TCF7: variants seen among roughly 807,000 people sequenced by gnomAD.
TCF7 encodes the protein T-cell-factor-7.
Under a neutral mutation model 46.8 loss-of-function variants are expected in TCF7, and 19 were observed. The ratio of observed to expected loss-of-function variants is 0.41; its 90% CI spans 0.28 to 0.60. The LOEUF (loss-of-function observed/expected upper bound fraction) is 0.60, where lower values mean the gene tolerates loss of function less well. Ranked by LOEUF, TCF7 falls within the 20% of genes least tolerant of loss-of-function variation. The pLI is 0.35. For missense variants in TCF7, 547 were observed against 504.6 expected (o/e 1.08, Z -0.81); for synonymous variants, 245 against 213.4 (o/e 1.15, Z -1.29).
At chr5:134,141,965 C>G in intron 5 of TCF7, 1 of 512,066 alleles carries the variant, frequency 2.0e-6, no homozygotes, top group Non-Finnish European at 3.3e-6. Flanking sequence ...TAGTAACCAT[C>G]TGAATGGCAA....
At position 134,142,272 on chromosome 5, in the gene TCF7, G is replaced by A; in HGVS notation, c.723G>A (p.Gly241=). The stretch of plus-strand genomic sequence containing the variant: ...ACCCGGCCATTGTGCCCCCCTCAGG[G>A]AAGCAGGAGCTGCAGCCCTTCGACC... ...IPHPAIVPPS[G]KQELQPFDRN... The change falls in exon 6 of 10, where the codon GGG becomes GGA. Residue 241 remains glycine (G), a synonymous_variant. Coordinates refer to ENST00000342854, the MANE Select transcript of TCF7 (RefSeq NM_003202.5). The A allele has an allele frequency of 6.2e-7, 1 of 1,600,794 alleles. No individual in the cohort carries two copies. Among genetic ancestry groups the A allele is most frequent in the Non-Finnish European group, 8.5e-7 (1 of 1,171,278 alleles).
Position 134,115,302 on chromosome 5 carries a change from C to T in TCF7, c.250-19C>T, listed in dbSNP as rs965480008. 12 of 1,559,986 alleles carry T rather than the reference C, an allele frequency of 7.7e-6. No homozygotes were observed. The Admixed American group carries it at 1.1e-4, about 14-fold the overall frequency. On this transcript the variant is annotated intron_variant, in intron 1 of 9. Coordinates refer to ENST00000342854, the MANE Select transcript of TCF7 (RefSeq NM_003202.5). Reference sequence around the variant, plus strand: ...CCGCGGTCCCACCGCCCCTCACTCCCCTCCGGTTCTCCCTCCAGGCTCTCG... The same window carrying T: ...CCGCGGTCCCACCGCCCCTCACTCCTCTCCGGTTCTCCCTCCAGGCTCTCG...
chr5:134,124,086 C>A (rs946844435), intron 3 of TCF7, among the ~76,000 whole-genome samples: 1 of 152,106 alleles, frequency 6.6e-6, no homozygotes. Context: ...TCGCTCAGGT[C>A]CCAAGGCCCA....
rs960788299 is a variant in TCF7, at chr5:134,144,926, C to T, written c.1075+1286C>T. 18 of 1,464,964 alleles carry T rather than the reference C, an allele frequency of 1.2e-5. No homozygotes were observed. The African/African-American group carries it at 2.2e-4, about 18-fold the overall frequency. The allele number at this position is 1,464,964 out of a possible 1,614,324, so 90.7% of individuals were successfully genotyped here. ...GCTTTAAGCTGCTTCCCTGACTCTG[C>T]ACATGTTCCACTGGGCCTGCAGCCC... On this transcript the variant is annotated intron_variant, in intron 9 of 9. Transcript: ENST00000342854.
At chr5:134,144,909 C>A (rs1760460169) in intron 9 of TCF7, 3 of 1,559,472 alleles carry the variant, frequency 1.9e-6, no homozygotes, top group Non-Finnish European at 2.7e-6. Context: ...TTGCTTTAAG[C>A]TGCTTCCCTG....
upstream of TCF7, among the ~76,000 whole-genome samples, chr5:134,114,327 G>A (rs1489352503): frequency 6.6e-6 from 1 of 152,086 alleles, no homozygotes; most frequent in Non-Finnish European, 1.5e-5. Context: ...GCCTGGGCAC[G>A]ATACAGTTCA....
chr5:134,141,341 G>GAA (rs1163133107), intron 5 of TCF7: 1 of 152,842 alleles, frequency 6.5e-6, no homozygotes, highest in Non-Finnish European at 1.5e-5. Flanking sequence ...AGAATAGCAA[G>GAA]AAAGTGAAGT....
rs762664564 is a variant in TCF7 at position 134,146,470 on chromosome 5, C to T, written c.*167C>T. On this transcript the variant is annotated 3_prime_UTR_variant, in exon 10 of 10. Coordinates refer to ENST00000342854, the MANE Select transcript of TCF7 (RefSeq NM_003202.5). The stretch of plus-strand genomic sequence containing the variant: ...GGCCCCCACAGGCCCCCCGCAGCAC[C>T]CTGCAGAGCACACAGGTACAGCAAC... The T allele has an allele frequency of 6.7e-5, 53 of 795,898 alleles. 1 individual carries two copies. The highest frequency in any genetic ancestry group is 4.4e-4 in the Middle Eastern group (2 of 4,560). 49.3% of individuals were successfully genotyped at this position (795,898 alleles called of 1,614,324 possible).
chr5:134,129,712 G>A lies in TCF7; in HGVS notation c.442-8347G>A, dbSNP rs145968910. On this transcript the variant is annotated intron_variant, in intron 3 of 9. Transcript: ENST00000342854. ...GGCTAAGTGGGGCTCAGTGAGTTCCGAGGGTGCCTCGGGCCGGGTTGGGCC... is the reference window on the plus strand; with the variant it reads ...GGCTAAGTGGGGCTCAGTGAGTTCCAAGGGTGCCTCGGGCCGGGTTGGGCC... Among the ~76,000 whole-genome samples, 351 of 152,384 alleles carry A rather than the reference G, an allele frequency of 2.3e-3. 1 individual carries two copies. The highest frequency in any genetic ancestry group is 3.5e-3 in the Non-Finnish European group (236 of 68,034).
At chr5:134,115,840 A>G in intron 2 of TCF7, 69 bp from the exon 3 acceptor site, 2 of 1,605,264 alleles carry the variant, frequency 1.2e-6, no homozygotes, top group Non-Finnish European at 1.7e-6. Flanking sequence ...TTTTCTCTCA[A>G]GAGCAGACAG....
In TCF7 at chr5:134,147,572, C is replaced by G. The variant is rs1386610312; in HGVS notation, c.*1269C>G. On this transcript the variant is annotated 3_prime_UTR_variant, in exon 10 of 10. Transcript: ENST00000342854. ...CCAGAAAACCTCCAGTAGTGGACAACAGGTTTTCACCATAGCCTACGTTAA... is the reference window on the plus strand; with the variant it reads ...CCAGAAAACCTCCAGTAGTGGACAAGAGGTTTTCACCATAGCCTACGTTAA... 6.6e-6 allele frequency: 1 copy of G among 152,630 alleles called. No individual in the cohort carries two copies. Among genetic ancestry groups the G allele is most frequent in the Non-Finnish European group, 1.5e-5 (1 of 68,044 alleles). 9.5% of individuals were successfully genotyped at this position (152,630 alleles called of 1,614,324 possible). A position where few individuals can be genotyped will look rare whatever the true frequency, so the allele number is the denominator to read the frequency against.
chr5:134,141,112 C>A, intron 5 of TCF7: 1 of 277,812 alleles, frequency 3.6e-6, no homozygotes, highest in Non-Finnish European at 7.1e-6. Flanking sequence ...ACCACAGAGG[C>A]CAGGACAGTA....
Position 134,114,932 on chromosome 5 carries a change from G to GCGGCGCGGGCGGCGGCGA in TCF7, c.29_46dup (p.Gly10_Asp15dup), listed in dbSNP as rs1755592484. ...ATGCCGCAGCTGGACTCCGGCGGGG[G>GCGGCGCGGGCGGCGGCGA]CGGCGCGGGCGGCGGCGACGACCTC... On this transcript the variant is annotated inframe_insertion, in exon 1 of 10. Transcript: ENST00000342854. The GCGGCGCGGGCGGCGGCGA allele has an allele frequency of 9.2e-7, 1 of 1,084,616 alleles. No homozygotes were observed. Among genetic ancestry groups the GCGGCGCGGGCGGCGGCGA allele is most frequent in the East Asian group, 7.4e-5 (1 of 13,426 alleles). 67.2% of individuals were successfully genotyped at this position (1,084,616 alleles called of 1,614,324 possible).
chr5:134,112,220 A>G (rs1755338677), upstream of TCF7, among the ~76,000 whole-genome samples: 1 of 152,224 alleles, frequency 6.6e-6, no homozygotes, highest in African/African-American at 2.4e-5. Context: ...TCTAGTCCAC[A>G]TTGATCTCAC....
intron 9 of TCF7, chr5:134,144,758 C>A (rs557876430): frequency 6.4e-7 from 1 of 1,565,456 alleles, no homozygotes; most frequent in Non-Finnish European, 8.8e-7. Context: ...CCTGCTCGCC[C>A]TCTGCCCTGC....
Position 134,114,774 on chromosome 5 carries a change from G to C in TCF7, c.-133G>C. 1.1e-6 allele frequency: 1 copy of C among 881,752 alleles called. No individual in the cohort carries two copies. Among genetic ancestry groups the C allele is most frequent in the Middle Eastern group, 5.8e-4 (1 of 1,722 alleles). 54.6% of individuals were successfully genotyped at this position (881,752 alleles called of 1,614,324 possible). A position where few individuals can be genotyped will look rare whatever the true frequency, so the allele number is the denominator to read the frequency against. On this transcript the variant is annotated 5_prime_UTR_variant, in exon 1 of 10. Coordinates refer to ENST00000342854, the MANE Select transcript of TCF7 (RefSeq NM_003202.5). Reference sequence around the variant, plus strand: ...CCCGCGCCTGCAGCCCGCCCAGGCGGAGTCAGCCCGCGCTCCGCCCGCCGC... The same window carrying C: ...CCCGCGCCTGCAGCCCGCCCAGGCGCAGTCAGCCCGCGCTCCGCCCGCCGC...
At chr5:134,136,319 C>T (rs749936120) in intron 3 of TCF7, among the ~76,000 whole-genome samples, 1 of 152,168 alleles carries the variant, frequency 6.6e-6, no homozygotes, top group African/African-American at 2.4e-5. Flanking sequence ...CTGCCCCAGC[C>T]TCTCTTCTTC....
rs547059055 is a variant in TCF7, at chr5:134,138,136, T to G, written c.519T>G (p.Pro173=). 1.8e-4 allele frequency: 285 copies of G among 1,613,184 alleles called. No individual in the cohort carries two copies. The highest frequency in any genetic ancestry group is 2.2e-4 in the Non-Finnish European group (255 of 1,179,696). Residue 173 remains proline (P), a synonymous_variant, in exon 4 of 10, where the codon CCT becomes CCG. Transcript: ENST00000342854. ...ATTTCAACAGCCCACATCCCACCCC[T>G]GCACCTGCGGACATCAGCCAGAAGC... The part of the protein sequence containing the change: ...YEHFNSPHPT[P]APADISQKQV...
chr5:134,112,464 C>G (rs976857025), upstream of TCF7, among the ~76,000 whole-genome samples: 3 of 152,182 alleles, frequency 2.0e-5, no homozygotes, highest in Non-Finnish European at 4.4e-5. Context: ...CCTTCTCTCC[C>G]TCACGCCTCC....
Sources: allele counts gnomAD v4.1 joint callset (sites outside exome capture counted in the v4.1 genomes callset), GRCh38; gene constraint gnomAD v4.1.1; transcripts MANE v1.5; gene names NCBI Gene and HGNC (gene_info 2026-07-23, HGNC 2026-07-21).